The following GALNTL6 variants were observed in gnomAD, a reference collection of about 807,000 sequenced individuals.
The protein encoded by GALNTL6 is polypeptide N-acetylgalactosaminyltransferase-like 6.
In GALNTL6, 46 loss-of-function variants were observed where a neutral mutation model predicts 73.7. That is an observed-to-expected ratio of 0.62 (90% CI 0.49 to 0.80). The LOEUF (loss-of-function observed/expected upper bound fraction) is 0.80. Among genes scored for constraint, GALNTL6 ranks in the 30% least tolerant of loss-of-function variants. GALNTL6 has a pLI of 0.00. For missense variants in GALNTL6, 604 were observed against 755.0 expected (o/e 0.80, Z 2.34); for synonymous variants, 259 against 263.7 (o/e 0.98, Z 0.17).
chr4:172,675,138 GT>G (rs145012472), intron 5 of GALNTL6, among the ~76,000 whole-genome samples: 8 of 149,760 alleles, frequency 5.3e-5, no homozygotes, highest in Admixed American at 4.0e-4. Context: ...CTGATCTTTA[GT>G]TTTTTTTTTC....
intron 7 of GALNTL6, among the ~76,000 whole-genome samples, chr4:172,844,718 G>A (rs549248957): frequency 2.2e-4 from 33 of 152,218 alleles, no homozygotes; most frequent in Non-Finnish European, 3.8e-4. Flanking sequence ...AAACAGATGC[G>A]CAGTGTGACA....
intron 2 of GALNTL6, among the ~76,000 whole-genome samples, chr4:172,035,702 A>G (rs1346777633): frequency 6.6e-6 from 1 of 152,162 alleles, no homozygotes; most frequent in Non-Finnish European, 1.5e-5. Flanking sequence ...ACAAAGCGAC[A>G]TGGAGCACTC....
At chr4:172,429,826 C>T (rs1044378438) in intron 5 of GALNTL6, among the ~76,000 whole-genome samples, 4 of 151,950 alleles carry the variant, frequency 2.6e-5, no homozygotes, top group South Asian at 2.1e-4. Context: ...AAGTATGAAG[C>T]GTATTTGATA....
chr4:172,741,352 A>G (rs1395039395), intron 5 of GALNTL6, among the ~76,000 whole-genome samples: 1 of 152,090 alleles, frequency 6.6e-6, no homozygotes, highest in Non-Finnish European at 1.5e-5. Context: ...GACAATCTCA[A>G]CAGAAACACC....
At chr4:172,695,141 C>G (rs1357885365) in intron 5 of GALNTL6, among the ~76,000 whole-genome samples, 1 of 152,128 alleles carries the variant, frequency 6.6e-6, no homozygotes, top group Non-Finnish European at 1.5e-5. Flanking sequence ...AAATGTCAGT[C>G]CTCTTTATCT....
chr4:172,365,685 C>T (rs1360064282), intron 5 of GALNTL6, among the ~76,000 whole-genome samples: 3 of 149,552 alleles, frequency 2.0e-5, no homozygotes, highest in Non-Finnish European at 4.4e-5. Context: ...AGTTTATCTC[C>T]AAACCTAATG....
At chr4:172,004,096 T>C (rs1740756687) in intron 2 of GALNTL6, among the ~76,000 whole-genome samples, 1 of 152,144 alleles carries the variant, frequency 6.6e-6, no homozygotes, top group Non-Finnish European at 1.5e-5. Flanking sequence ...TATTCATAAG[T>C]GGACAACTTT....
At chr4:172,405,433 ATATATATATATTTTTTT>A (rs1431958522) in intron 5 of GALNTL6, among the ~76,000 whole-genome samples, 34 of 6,350 alleles carry the variant, frequency 5.4e-3, no homozygotes, top group African/African-American at 9.7e-3. Flanking sequence ...ATATATATAT[ATATATATATATTTTTTT>A]TTTTTTTTTT....
At chr4:171,828,609 C>A (rs1734885917) in intron 2 of GALNTL6, among the ~76,000 whole-genome samples, 1 of 152,068 alleles carries the variant, frequency 6.6e-6, no homozygotes, top group Admixed American at 6.6e-5. Context: ...TTCTCTTCCT[C>A]ATGCCTTTTT....
chr4:172,307,806 T>C (rs1740198005), intron 3 of GALNTL6, among the ~76,000 whole-genome samples: 1 of 152,068 alleles, frequency 6.6e-6, no homozygotes, highest in Non-Finnish European at 1.5e-5. Flanking sequence ...TCCAGATTTG[T>C]TCCTTTTTCT....
intron 8 of GALNTL6, among the ~76,000 whole-genome samples, chr4:172,891,133 T>A (rs1746007763): frequency 6.6e-6 from 1 of 151,830 alleles, no homozygotes; most frequent in African/African-American, 2.4e-5. Context: ...TTTTTTTTTT[T>A]AATCCAACTT....
intron 9 of GALNTL6, among the ~76,000 whole-genome samples, chr4:172,934,148 G>A (rs753966188): frequency 3.7e-4 from 57 of 152,234 alleles, no homozygotes; most frequent in South Asian, 8.3e-4. Flanking sequence ...TAAATGTATC[G>A]TAAGGACATG....
intron 2 of GALNTL6, among the ~76,000 whole-genome samples, chr4:172,101,189 A>C (rs1732504735): frequency 6.6e-6 from 1 of 152,086 alleles, no homozygotes; most frequent in African/African-American, 2.4e-5. Flanking sequence ...ATCCCAAGAA[A>C]ATGCTTCCTT....
intron 10 of GALNTL6, among the ~76,000 whole-genome samples, chr4:172,970,507 A>T (rs1750529972): frequency 1.3e-5 from 2 of 152,306 alleles, no homozygotes; most frequent in Admixed American, 1.3e-4. Context: ...GAATTCAGCG[A>T]TATCTCTCCT....
chr4:172,913,439 T>A (rs1390096126), intron 8 of GALNTL6, among the ~76,000 whole-genome samples: 1 of 152,056 alleles, frequency 6.6e-6, no homozygotes, highest in Non-Finnish European at 1.5e-5. Context: ...ATAACTAACT[T>A]CTTCGAGCTA....
chr4:172,362,697 C>T (rs1742414108), intron 5 of GALNTL6, among the ~76,000 whole-genome samples: 1 of 152,164 alleles, frequency 6.6e-6, no homozygotes, highest in South Asian at 2.1e-4. Context: ...CACACTGATA[C>T]TTCAAACTCA....
chr4:172,831,157 C>CAAAAAAAAAAAAAAAAAAA (rs60870698), intron 7 of GALNTL6, among the ~76,000 whole-genome samples: 2 of 63,882 alleles, frequency 3.1e-5, no homozygotes, highest in Non-Finnish European at 2.8e-5. Flanking sequence ...GACTCCCTCT[C>CAAAAAAAAAAAAAAAAAAA]AAAAAAAAAA....
chr4:172,364,378 A>G (rs543473501), intron 5 of GALNTL6, among the ~76,000 whole-genome samples: 3 of 152,278 alleles, frequency 2.0e-5, no homozygotes, highest in African/African-American at 7.2e-5. Flanking sequence ...TGATTGCATC[A>G]CTGCACTTCA....
At chr4:171,993,875 G>A (rs1193313255) in intron 2 of GALNTL6, among the ~76,000 whole-genome samples, 1 of 151,618 alleles carries the variant, frequency 6.6e-6, no homozygotes, top group Non-Finnish European at 1.5e-5. Context: ...TAGAAAATAA[G>A]ACAGATGAAC....
Sources: gnomAD v4.1 joint callset for allele counts (sites outside exome capture counted in the v4.1 genomes callset) on GRCh38, gnomAD v4.1.1 for gene constraint, MANE v1.5 for transcripts, NCBI Gene and HGNC (gene_info 2026-07-23, HGNC 2026-07-21) for gene names.